USH2A: variants seen among roughly 807,000 people sequenced by gnomAD.
The protein encoded by USH2A is usherin.
A neutral mutation model predicts 538.9 loss-of-function variants in USH2A; 443 were observed. The ratio of observed to expected loss-of-function variants is 0.82; its 90% confidence interval spans 0.76 to 0.89. The LOEUF (loss-of-function observed/expected upper bound fraction) is 0.89. Among genes scored for constraint, USH2A ranks in the 40% least tolerant of loss-of-function variants. USH2A has a pLI of 0.00. For missense variants in USH2A, 6,633 were observed against 6,324.8 expected (o/e 1.05, Z -1.65); for synonymous variants, 2,413 against 2,273.5 (o/e 1.06, Z -1.75).
intron 41 of USH2A, among the ~76,000 whole-genome samples, chr1:215,879,815 C>T (rs1480567068): frequency 1.3e-5 from 2 of 152,104 alleles, no homozygotes; most frequent in African/African-American, 4.8e-5. Flanking sequence ...TGGCTAAACT[C>T]TACAGGAGCA....
At chr1:215,680,401 T>C (rs1445651328) in intron 61 of USH2A, 25 bp from the exon 62 acceptor site, 3 of 1,500,994 alleles carry the variant, frequency 2.0e-6, no homozygotes, top group Non-Finnish European at 2.7e-6. Flanking sequence ...ACAGGTTAAG[T>C]TGTTGTTTTT....
At chr1:216,377,828 A>C (rs1171871541) in intron 3 of USH2A, among the ~76,000 whole-genome samples, 6 of 94,672 alleles carry the variant, frequency 6.3e-5, no homozygotes, top group Non-Finnish European at 1.4e-4. Context: ...AGAAAGAAAG[A>C]AAGAAAGAAA....
chr1:216,014,372 C>G (rs960107602), intron 32 of USH2A, among the ~76,000 whole-genome samples: 1 of 152,128 alleles, frequency 6.6e-6, no homozygotes, highest in African/African-American at 2.4e-5. Flanking sequence ...AAGCCATAAA[C>G]AAAGCCACCA....
intron 32 of USH2A, among the ~76,000 whole-genome samples, chr1:216,028,320 G>A (rs936146764): frequency 2.6e-5 from 4 of 152,034 alleles, no homozygotes; most frequent in East Asian, 1.9e-4. Context: ...CCCAGGAGGC[G>A]GGGTTGCAGT....
intron 9 of USH2A, among the ~76,000 whole-genome samples, chr1:216,299,077 C>T (rs1329259883): frequency 2.6e-5 from 4 of 151,990 alleles, no homozygotes; most frequent in Admixed American, 6.6e-5. Flanking sequence ...CTCCTGACCT[C>T]GTGATCCACC....
At chr1:216,195,245 A>G (rs2034812722) in intron 19 of USH2A, among the ~76,000 whole-genome samples, 1 of 152,156 alleles carries the variant, frequency 6.6e-6, no homozygotes, top group African/African-American at 2.4e-5. Context: ...GGGTATAAGC[A>G]GAGCCAAAAG....
chr1:215,915,858 T>C (rs934246823), intron 38 of USH2A, among the ~76,000 whole-genome samples: 13 of 151,608 alleles, frequency 8.6e-5, no homozygotes, highest in Middle Eastern at 3.4e-3. Context: ...TATGCAGCCA[T>C]AAAAAAGGAT....
At chr1:216,014,345 T>C (rs932008411) in intron 32 of USH2A, among the ~76,000 whole-genome samples, 3 of 152,060 alleles carry the variant, frequency 2.0e-5, no homozygotes, top group Admixed American at 2.0e-4. Flanking sequence ...GTGAGGCTGA[T>C]AAATTCTTTG....
At chr1:215,970,880 T>C in intron 35 of USH2A, 104 bp from the exon 36 acceptor site, 2 of 1,166,838 alleles carry the variant, frequency 1.7e-6, no homozygotes, top group Non-Finnish European at 1.3e-6. Flanking sequence ...CATGGAATCA[T>C]TAAATCACAG....
chr1:215,761,534 T>A (rs1031262897), intron 56 of USH2A, among the ~76,000 whole-genome samples: 4 of 152,190 alleles, frequency 2.6e-5, no homozygotes, highest in African/African-American at 9.6e-5. Flanking sequence ...CGTCAATGTA[T>A]CTCTATGGAT....
At chr1:215,770,578 G>T (rs981877851) in intron 55 of USH2A, among the ~76,000 whole-genome samples, 2 of 151,926 alleles carry the variant, frequency 1.3e-5, no homozygotes, top group Non-Finnish European at 2.9e-5. Context: ...TATTTTATGA[G>T]AATTGCAGTT....
rs367668609 is a variant in USH2A at position 215,695,449 on chromosome 1, C to G, written c.12067-15073G>C. On this transcript the variant is annotated intron_variant, in intron 61 of 71. Coordinates refer to ENST00000307340, the MANE Select transcript of USH2A (RefSeq NM_206933.4). ...AAAAATAAACAATTATAGAGTTCAG[C>G]AATTTTAGGATCATACAAAAATCAA... Among the ~76,000 whole-genome samples the G allele has an allele frequency of 2.6e-5, 4 of 151,912 alleles. No homozygotes were observed. In the East Asian group the frequency reaches 5.8e-4, roughly 22 times the overall value.
intron 29 of USH2A, among the ~76,000 whole-genome samples, chr1:216,072,120 C>T (rs925091888): frequency 6.6e-6 from 1 of 152,184 alleles, no homozygotes; most frequent in African/African-American, 2.4e-5. Flanking sequence ...GAATAAACTT[C>T]CTTGCTGAGA....
In USH2A at chr1:216,399,838, C is replaced by T. The variant is rs547337662; in HGVS notation, c.651+18676G>A. ...CCATCTGCTGCAGTGTGAGTCAGTG[C>T]TCCACTTCTGCTGGATGATGTTGGC... On this transcript the variant is annotated intron_variant, in intron 3 of 71. Transcript: ENST00000307340. Among the ~76,000 whole-genome samples, 244 of 152,184 alleles carry T rather than the reference C, an allele frequency of 1.6e-3. 1 individual carries two copies. Among genetic ancestry groups the T allele is most frequent in the Non-Finnish European group, 2.8e-3 (189 of 68,012 alleles).
chr1:216,377,481 A>G (rs1182315710), intron 3 of USH2A, among the ~76,000 whole-genome samples: 1 of 152,190 alleles, frequency 6.6e-6, no homozygotes, highest in Non-Finnish European at 1.5e-5. Context: ...TCCCTTCACA[A>G]TCACACAGAT....
chr1:216,082,279 G>GAAGATTCATAGACATTACATTTCAGCA (rs1477590015), intron 26 of USH2A, among the ~76,000 whole-genome samples: 2,171 of 152,074 alleles, frequency 0.014, 46 homozygotes, highest in African/African-American at 0.047. Flanking sequence ...ACGTTTCAGC[G>GAAGATTCATAGACATTACATTTCAGCA]AAGATTCATA....
intron 43 of USH2A, among the ~76,000 whole-genome samples, chr1:215,871,991 G>T (rs1326922680): frequency 6.6e-6 from 1 of 152,212 alleles, no homozygotes; most frequent in Non-Finnish European, 1.5e-5. Flanking sequence ...AATTAAAAAT[G>T]TGTCAACTTT....
chr1:216,272,153 A>G (rs952538400), intron 11 of USH2A, among the ~76,000 whole-genome samples: 2 of 152,106 alleles, frequency 1.3e-5, no homozygotes, highest in Non-Finnish European at 1.5e-5. Context: ...CCTTGTTGAA[A>G]GGTTTTTAGA....
At chr1:215,772,888 C>T (rs1053933159) in intron 55 of USH2A, among the ~76,000 whole-genome samples, 9 of 152,140 alleles carry the variant, frequency 5.9e-5, no homozygotes, top group Admixed American at 3.3e-4. Context: ...GCCTGAGTTA[C>T]GTTAAAAAGT....
Sources: allele counts gnomAD v4.1 joint callset (sites outside exome capture counted in the v4.1 genomes callset), GRCh38; gene constraint gnomAD v4.1.1; transcripts MANE v1.5; gene names NCBI Gene and HGNC (gene_info 2026-07-23, HGNC 2026-07-21).